The following CPAP variants were observed in gnomAD, a reference collection of about 807,000 sequenced individuals.
CPAP encodes the protein centrosome assembly and centriole elongation protein, also known as centrosomal P4.1-associated protein.
At chr13:24,908,558 A>T in the CPAP span, among the ~76,000 whole-genome samples, 1 of 151,572 alleles carries the variant, frequency 6.6e-6, no homozygotes, top group South Asian at 2.1e-4. Flanking sequence ...GTGCCACTGG[A>T]CTCCAACCTA....
chr13:24,905,657 T>C, the CPAP span: 1 of 1,614,226 alleles, frequency 6.2e-7, no homozygotes, highest in Non-Finnish European at 8.5e-7. Context: ...TCTTTCATCA[T>C]CAAAGTCCAT....
the CPAP span, among the ~76,000 whole-genome samples, chr13:24,898,488 T>C: frequency 6.6e-6 from 1 of 152,242 alleles, no homozygotes; most frequent in Admixed American, 6.5e-5. Context: ...TCACCACCCA[T>C]CTTTTTGTAA....
At chr13:24,905,541 TACCTA>T in the CPAP span, 1 of 1,614,236 alleles carries the variant, frequency 6.2e-7, no homozygotes, top group Non-Finnish European at 8.5e-7. Flanking sequence ...TTGTCCAGGA[TACCTA>T]TTTCATTATT....
At chr13:24,894,187 T>C in the CPAP span, among the ~76,000 whole-genome samples, 1 of 151,920 alleles carries the variant, frequency 6.6e-6, no homozygotes, top group Non-Finnish European at 1.5e-5. Context: ...CTGAGGTTCT[T>C]GGAGGAAGGA....
chr13:24,886,264 C>T, the CPAP span: 2 of 1,266,778 alleles, frequency 1.6e-6, no homozygotes, highest in Non-Finnish European at 2.1e-6. Flanking sequence ...GTGCCAGAAT[C>T]TGACCTCCAT....
the CPAP span, chr13:24,892,912 C>T: frequency 1.5e-6 from 2 of 1,324,200 alleles, no homozygotes; most frequent in Middle Eastern, 1.8e-4. Context: ...TACTACATTA[C>T]CAGAATTAAA....
chr13:24,891,135 G>A, the CPAP span, among the ~76,000 whole-genome samples: 1 of 151,870 alleles, frequency 6.6e-6, no homozygotes, highest in African/African-American at 2.4e-5. Flanking sequence ...TAAACTCCAT[G>A]GCCGATTTCA....
chr13:24,883,106 A>G, the CPAP span: 2 of 1,314,858 alleles, frequency 1.5e-6, no homozygotes, highest in South Asian at 2.4e-5. Flanking sequence ...AATTAAACAG[A>G]ATCCACAGTA....
chr13:24,912,215 C>T, the CPAP span: 3 of 745,612 alleles, frequency 4.0e-6, no homozygotes, highest in South Asian at 3.3e-5. Flanking sequence ...AAATCAGCCA[C>T]CGAAAATCTA....
the CPAP span, among the ~76,000 whole-genome samples, chr13:24,930,186 T>G: frequency 1.3e-5 from 2 of 152,184 alleles, no homozygotes; most frequent in Non-Finnish European, 2.9e-5. Flanking sequence ...TTTACAGGCA[T>G]GAGCCATCAT....
At chr13:24,903,862 G>C in the CPAP span, 1 of 1,476,014 alleles carries the variant, frequency 6.8e-7, no homozygotes, top group Admixed American at 1.7e-5. Flanking sequence ...ACTGTTTATA[G>C]ATGGTCTTAA....
chr13:24,922,299 G>A, the CPAP span, among the ~76,000 whole-genome samples: 1 of 152,210 alleles, frequency 6.6e-6, no homozygotes, highest in Non-Finnish European at 1.5e-5. Flanking sequence ...TAACTAGTTG[G>A]TCTGGGAAGT....
chr13:24,887,414 G>C, the CPAP span, among the ~76,000 whole-genome samples: 6 of 152,056 alleles, frequency 3.9e-5, no homozygotes, highest in African/African-American at 1.2e-4. Context: ...CCCATCACTC[G>C]CATTACCACC....
the CPAP span, chr13:24,884,211 G>T: frequency 4.2e-5 from 67 of 1,614,068 alleles, no homozygotes; most frequent in Non-Finnish European, 3.4e-5. Flanking sequence ...CGGGTATGTC[G>T]TGTGAGTGGT....
the CPAP span, among the ~76,000 whole-genome samples, chr13:24,921,673 A>C: frequency 2.6e-5 from 4 of 152,222 alleles, no homozygotes; most frequent in African/African-American, 7.2e-5. Context: ...AATTTCAATG[A>C]CCTTAGCAGA....
chr13:24,908,027 A>G, the CPAP span: 8 of 1,606,996 alleles, frequency 5.0e-6, no homozygotes, highest in South Asian at 1.1e-5. Flanking sequence ...CCTTTCTTCA[A>G]TATTAGCCAC....
the CPAP span, chr13:24,933,193 C>G: frequency 2.3e-6 from 3 of 1,284,722 alleles, no homozygotes; most frequent in African/African-American, 4.4e-5. Flanking sequence ...CAGGGAACAA[C>G]AGGGTCATGG....
the CPAP span, chr13:24,909,971 C>T: frequency 6.2e-7 from 1 of 1,614,158 alleles, no homozygotes; most frequent in Non-Finnish European, 8.5e-7. Flanking sequence ...ATGTTTCTTC[C>T]TGGGTTGGGT....
chr13:24,917,167 C>T, the CPAP span, among the ~76,000 whole-genome samples: 4 of 152,100 alleles, frequency 2.6e-5, no homozygotes, highest in Non-Finnish European at 5.9e-5. Context: ...AGAAGGATGG[C>T]GTGAACCTGG....
Sources: gnomAD v4.1 joint callset for allele counts (sites outside exome capture counted in the v4.1 genomes callset) on GRCh38, gnomAD v4.1.1 for gene constraint, MANE v1.5 for transcripts, NCBI Gene and HGNC (gene_info 2026-07-23, HGNC 2026-07-21) for gene names.